The following KCNH1 variants were observed in gnomAD, a reference collection of about 807,000 sequenced individuals.
KCNH1 encodes voltage-gated delayed rectifier potassium channel KCNH1.
Under a neutral mutation model 69.2 loss-of-function variants are expected in KCNH1, and 27 were observed. The observed-to-expected ratio is 0.39, with a 90% confidence interval of 0.29 to 0.54. KCNH1 has a LOEUF of 0.54. Ranked by LOEUF, KCNH1 falls within the 20% of genes least tolerant of loss-of-function variation. KCNH1 has a pLI of 0.68. For synonymous variants in KCNH1, 456 were observed against 487.7 expected (o/e 0.93, Z 0.86); for missense variants, 798 against 1,261.6 (o/e 0.63, Z 5.57).
chr1:211,061,489 G>A (rs1242653612), intron 5 of KCNH1, among the ~76,000 whole-genome samples: 2 of 151,954 alleles, frequency 1.3e-5, no homozygotes, highest in Non-Finnish European at 2.9e-5. Context: ...CCTTGCCAGA[G>A]CAAAAGAAAT....
chr1:210,976,301 G>A (rs1688608657), intron 6 of KCNH1, among the ~76,000 whole-genome samples: 1 of 149,878 alleles, frequency 6.7e-6, no homozygotes, highest in Non-Finnish European at 1.5e-5. Flanking sequence ...ACATGCACAT[G>A]TATGTTTACT....
intron 10 of KCNH1, among the ~76,000 whole-genome samples, chr1:210,735,820 C>CAG (rs886917658): frequency 1.0e-3 from 70 of 68,236 alleles, no homozygotes; most frequent in Middle Eastern, 7.5e-3. Flanking sequence ...CACACACACA[C>CAG]AGAGAGAGAG....
At chr1:211,070,560 A>G (rs2102457368) in intron 5 of KCNH1, among the ~76,000 whole-genome samples, 1 of 152,060 alleles carries the variant, frequency 6.6e-6, no homozygotes, top group Non-Finnish European at 1.5e-5. Flanking sequence ...GTGGTGGCTC[A>G]CATCTGTAAT....
At chr1:210,794,648 G>C (rs146945144) in intron 9 of KCNH1, among the ~76,000 whole-genome samples, 11 of 152,142 alleles carry the variant, frequency 7.2e-5, no homozygotes, top group African/African-American at 2.7e-4. Flanking sequence ...CCTAAGTCTA[G>C]GTGTTCAAAC....
chr1:210,817,995 T>C (rs903857817), intron 7 of KCNH1, among the ~76,000 whole-genome samples: 1 of 152,202 alleles, frequency 6.6e-6, no homozygotes. Context: ...TCTCCAGACA[T>C]TGATGGCCAT....
intron 6 of KCNH1, among the ~76,000 whole-genome samples, chr1:210,985,931 G>T (rs892645449): frequency 6.6e-6 from 1 of 152,118 alleles, no homozygotes; most frequent in African/African-American, 2.4e-5. Flanking sequence ...TCTCTTTCTA[G>T]GTCGCTAAGG....
intron 7 of KCNH1, among the ~76,000 whole-genome samples, chr1:210,852,938 G>T (rs920164212): frequency 5.9e-5 from 9 of 152,148 alleles, no homozygotes; most frequent in African/African-American, 2.2e-4. Flanking sequence ...TATCTGAGTG[G>T]TATGTCCTCT....
intron 3 of KCNH1, among the ~76,000 whole-genome samples, chr1:211,091,221 TC>T (rs1267927582): frequency 6.6e-6 from 1 of 152,088 alleles, no homozygotes; most frequent in Non-Finnish European, 1.5e-5. Flanking sequence ...TTTTTTAGAC[TC>T]CCAGGCTGGA....
chr1:210,887,510 C>G (rs1686639993), intron 7 of KCNH1, among the ~76,000 whole-genome samples: 1 of 151,996 alleles, frequency 6.6e-6, no homozygotes, highest in Non-Finnish European at 1.5e-5. Context: ...AACCAGCTAG[C>G]ATTATAATGA....
rs769138568 is a variant in KCNH1 at position 211,019,295 on chromosome 1, G to A, written c.559-39C>T. 5.2e-6 allele frequency: 7 copies of A among 1,339,742 alleles called. No homozygotes were observed. In the South Asian group the frequency reaches 9.3e-5, roughly 18 times the overall value. The allele number at this position is 1,339,742 out of a possible 1,614,324, so 83.0% of individuals were successfully genotyped here. A position where few individuals can be genotyped will look rare whatever the true frequency, so the allele number is the denominator to read the frequency against. Reference sequence around the variant, plus strand: ...CATGACCAAGAGAGAACTAAGTTAGGATTTAATTGCAAGTATCTAACCAGT... The same window carrying A: ...CATGACCAAGAGAGAACTAAGTTAGAATTTAATTGCAAGTATCTAACCAGT... On this transcript the variant is annotated intron_variant, in intron 5 of 10. Transcript: ENST00000271751.
intron 5 of KCNH1, among the ~76,000 whole-genome samples, chr1:211,053,568 G>T (rs1193522928): frequency 6.6e-6 from 1 of 152,050 alleles, no homozygotes; most frequent in Non-Finnish European, 1.5e-5. Context: ...TAGAACTTTT[G>T]GTAGAAAAAA....
intron 6 of KCNH1, among the ~76,000 whole-genome samples, chr1:210,970,620 C>A (rs1230796634): frequency 6.6e-6 from 1 of 152,140 alleles, no homozygotes; most frequent in African/African-American, 2.4e-5. Flanking sequence ...CTTCCTCACA[C>A]CTTATACAAA....
At chr1:211,026,615 T>C (rs1013158752) in intron 5 of KCNH1, among the ~76,000 whole-genome samples, 1 of 151,998 alleles carries the variant, frequency 6.6e-6, no homozygotes, top group Non-Finnish European at 1.5e-5. Flanking sequence ...ATCTCCCATC[T>C]CCTCTCCTAC....
At chr1:210,957,278 A>G (rs941463670) in intron 6 of KCNH1, among the ~76,000 whole-genome samples, 1 of 152,200 alleles carries the variant, frequency 6.6e-6, no homozygotes, top group Non-Finnish European at 1.5e-5. Flanking sequence ...GGTCTGAGAC[A>G]CAGTTTGTTG....
At chr1:211,098,825 T>C (rs1280466369) in intron 3 of KCNH1, among the ~76,000 whole-genome samples, 1 of 152,172 alleles carries the variant, frequency 6.6e-6, no homozygotes, top group Non-Finnish European at 1.5e-5. Context: ...TGTGGGCAAT[T>C]TGACAATTTA....
At chr1:210,718,805 C>T (rs922020078) in intron 10 of KCNH1, among the ~76,000 whole-genome samples, 3 of 151,558 alleles carry the variant, frequency 2.0e-5, no homozygotes, top group African/African-American at 7.3e-5. Context: ...TGGCCAGTGG[C>T]TACCACATTA....
At chr1:210,842,965 C>T (rs1254967548) in intron 7 of KCNH1, among the ~76,000 whole-genome samples, 3 of 152,182 alleles carry the variant, frequency 2.0e-5, no homozygotes, top group Non-Finnish European at 4.4e-5. Flanking sequence ...GATGCCCCAC[C>T]ACCCACATTT....
At chr1:211,023,101 A>C (rs1014641336) in intron 5 of KCNH1, among the ~76,000 whole-genome samples, 5 of 150,426 alleles carry the variant, frequency 3.3e-5, no homozygotes, top group Admixed American at 3.3e-4. Context: ...ACAGAGCTAG[A>C]CTCTGTCTCA....
At position 210,683,881 on chromosome 1, in the gene KCNH1, C is replaced by G; in HGVS notation, c.2370G>C (p.Val790=). The change falls in exon 11 of 11, where the codon GTG becomes GTC. Residue 790 remains valine (V), a synonymous_variant. Coordinates refer to ENST00000271751, the MANE Select transcript of KCNH1 (RefSeq NM_172362.3). This position sits in a 1 kb window ranked among gnomAD's most constrained non-coding sequence, Gnocchi z 5.7. The part of the protein sequence containing the change: ...HSLVKASVVT[V]RESPATPVSF... Reference sequence around the variant, plus strand: ...ATACGGGCGTGGCAGGACTCTCACGCACGGTGACCACGCTGGCCTTCACGA... The same window carrying G: ...ATACGGGCGTGGCAGGACTCTCACGGACGGTGACCACGCTGGCCTTCACGA... The G allele has an allele frequency of 1.9e-6, 3 of 1,614,060 alleles. No homozygotes were observed. Among genetic ancestry groups the G allele is most frequent in the Non-Finnish European group, 2.5e-6 (3 of 1,179,934 alleles).
Sources: allele counts gnomAD v4.1 joint callset (sites outside exome capture counted in the v4.1 genomes callset), GRCh38; gene constraint gnomAD v4.1.1; non-coding constraint Gnocchi (gnomAD v3.1); transcripts MANE v1.5; gene names NCBI Gene and HGNC (gene_info 2026-07-23, HGNC 2026-07-21).